The following KIF26B variants were observed in gnomAD, a reference collection of about 807,000 sequenced individuals.
KIF26B encodes kinesin-like protein KIF26B.
A neutral mutation model predicts 151.2 loss-of-function variants in KIF26B; 63 were observed. The ratio of observed to expected loss-of-function variants is 0.42; its 90% CI spans 0.34 to 0.51. KIF26B has a LOEUF of 0.51. KIF26B is among the 20% of genes least tolerant of loss of function. The probability of loss-of-function intolerance (pLI) is 0.07; values close to 1 mark genes in which losing one functional copy is unlikely to be tolerated. For synonymous variants in KIF26B, 1,357 were observed against 1,262.1 expected, an observed-to-expected ratio of 1.08 and a Z score of -1.59; for missense variants, 2,813 against 2,913.6, an observed-to-expected ratio of 0.97 and a Z score of 0.79.
At chr1:245,660,562 A>C (rs1178161896) in intron 10 of KIF26B, among the ~76,000 whole-genome samples, 6 of 151,758 alleles carry the variant, frequency 4.0e-5, no homozygotes, top group African/African-American at 7.3e-5. Context: ...GCTGGTCTTG[A>C]ATTCCTGAGC....
chr1:245,190,333 C>CT (rs1669077964), intron 2 of KIF26B, among the ~76,000 whole-genome samples: 1 of 152,154 alleles, frequency 6.6e-6, no homozygotes, highest in African/African-American at 2.4e-5. Flanking sequence ...CTTCTTCCTT[C>CT]TTTTTTGCCT....
chr1:245,219,513 G>A (rs901472242), intron 2 of KIF26B, among the ~76,000 whole-genome samples: 5 of 152,134 alleles, frequency 3.3e-5, no homozygotes, highest in Admixed American at 6.5e-5. Flanking sequence ...CAGGCAGATC[G>A]CTTGAGCCCA....
At chr1:245,586,718 C>T (rs1284656402) in intron 5 of KIF26B, among the ~76,000 whole-genome samples, 1 of 150,862 alleles carries the variant, frequency 6.6e-6, no homozygotes, top group Middle Eastern at 3.4e-3. Flanking sequence ...CCCGTCTCTA[C>T]TAAAAAAAAT....
chr1:245,642,081 A>G (rs770512884), intron 9 of KIF26B, among the ~76,000 whole-genome samples: 4 of 152,196 alleles, frequency 2.6e-5, no homozygotes, highest in East Asian at 1.9e-4. Context: ...TTCTGGCCCA[A>G]ACGGACCTGG....
Position 245,156,450 on chromosome 1 carries a change from C to G in KIF26B, c.232C>G (p.Pro78Ala). ...GTCTCCCGGCTCGGGCACCTCGTCC[C>G]CGAGCTCGTTCACCGGCTCCCCGGG... ...TPSPGSGTSSPSSFTGSPGPA... is the reference protein window; with the variant it reads ...TPSPGSGTSSASSFTGSPGPA... The change falls in exon 2 of 15, where the codon CCG (proline) becomes GCG (alanine). Residue 78 changes from proline to alanine, a missense_variant. Coordinates refer to ENST00000407071, the MANE Select transcript of KIF26B (RefSeq NM_018012.4). 1.3e-6 allele frequency: 2 copies of G among 1,527,308 alleles called. No individual in the cohort carries two copies. The highest frequency in any genetic ancestry group is 1.8e-6 in the Non-Finnish European group (2 of 1,140,982). 94.6% of individuals were successfully genotyped at this position (1,527,308 alleles called of 1,614,324 possible).
At position 245,155,384 on chromosome 1, in the gene KIF26B, G is replaced by C. The variant is rs1389259318; in HGVS notation, c.-41G>C. 2 of 1,540,946 alleles carry C rather than the reference G, an allele frequency of 1.3e-6. No individual in the cohort carries two copies. Among genetic ancestry groups the C allele is most frequent in the Middle Eastern group, 1.7e-4 (1 of 5,954 alleles). ...GGTTGGAGGACCTTCTGGATGTAGC[G>C]TCGGTGGAACCTTTAGATACTCTCC... On this transcript the variant is annotated 5_prime_UTR_variant, in exon 1 of 15. Transcript: ENST00000407071.
intron 2 of KIF26B, among the ~76,000 whole-genome samples, chr1:245,211,733 CCT>C (rs552962249): frequency 8.3e-4 from 127 of 152,288 alleles, no homozygotes; most frequent in African/African-American, 3.0e-3. Context: ...AAATTTAAAT[CCT>C]CTGTTTCTTC....
chr1:245,156,647 C>A lies in KIF26B; in HGVS notation c.429C>A (p.Ala143=), dbSNP rs1276875258. 4 of 1,516,860 alleles carry A rather than the reference C, an allele frequency of 2.6e-6. No individual in the cohort carries two copies. The highest frequency in any genetic ancestry group is 4.0e-5 in the Admixed American group (2 of 49,860). The allele number at this position is 1,516,860 out of a possible 1,614,324, so 94.0% of individuals were successfully genotyped here. The change falls in exon 2 of 15, where the codon GCC becomes GCA. Residue 143 remains alanine (A), a synonymous_variant. Coordinates refer to ENST00000407071, the MANE Select transcript of KIF26B (RefSeq NM_018012.4). Reference sequence around the variant, plus strand: ...GCCTGGTGGAGCTCAAGAGGCAGGCCCTGAGGTTGCTCCTCCCGGGGCCCT... The same window carrying A: ...GCCTGGTGGAGCTCAAGAGGCAGGCACTGAGGTTGCTCCTCCCGGGGCCCT... ...NARLVELKRQ[A]LRLLLPGPFP...
At chr1:245,600,027 T>C (rs563269605) in intron 5 of KIF26B, among the ~76,000 whole-genome samples, 111 of 151,490 alleles carry the variant, frequency 7.3e-4, no homozygotes, top group Middle Eastern at 3.2e-3. Context: ...CAAGGAGTTC[T>C]AAAACCTTAT....
At chr1:245,353,521 C>T (rs1263437134) in intron 2 of KIF26B, among the ~76,000 whole-genome samples, 1 of 152,124 alleles carries the variant, frequency 6.6e-6, no homozygotes, top group Non-Finnish European at 1.5e-5. Context: ...ATCCTCATTG[C>T]CCTGCAGCCA....
intron 3 of KIF26B, among the ~76,000 whole-genome samples, chr1:245,397,574 A>G (rs1322901997): frequency 6.6e-6 from 1 of 152,202 alleles, no homozygotes; most frequent in African/African-American, 2.4e-5. Flanking sequence ...CCCACTTTTT[A>G]AACTACAGAT....
At chr1:245,423,293 C>T (rs1220076515) in intron 4 of KIF26B, among the ~76,000 whole-genome samples, 1 of 152,104 alleles carries the variant, frequency 6.6e-6, no homozygotes, top group Admixed American at 6.5e-5. Flanking sequence ...CACAGTAACC[C>T]TGTGAGGCAG....
intron 4 of KIF26B, among the ~76,000 whole-genome samples, chr1:245,539,152 A>G (rs895223342): frequency 6.6e-6 from 1 of 152,078 alleles, no homozygotes; most frequent in Admixed American, 6.6e-5. Flanking sequence ...TTCCCCCTGT[A>G]TTTCACTCTT....
intron 4 of KIF26B, among the ~76,000 whole-genome samples, chr1:245,501,542 G>C (rs112885687): frequency 6.6e-6 from 1 of 152,192 alleles, no homozygotes; most frequent in African/African-American, 2.4e-5. Flanking sequence ...ACAAAGAGAT[G>C]ATAATCCTGC....
rs1313966584 is a variant in KIF26B at position 245,170,458 on chromosome 1, T to C, written c.465+13775T>C. Among the ~76,000 whole-genome samples, 1 of 152,124 alleles carries C rather than the reference T, an allele frequency of 6.6e-6. No homozygotes were observed. Among genetic ancestry groups the C allele is most frequent in the Admixed American group, 6.6e-5 (1 of 15,260 alleles). On this transcript the variant is annotated intron_variant, in intron 2 of 14. Coordinates refer to ENST00000407071, the MANE Select transcript of KIF26B (RefSeq NM_018012.4). The surrounding 1 kb of genome is among the most constrained non-coding windows in gnomAD (Gnocchi z 4.4). ...CCAGGTGTTCCAGGGACGAAACTTA[T>C]CAGAACCAAACATAGAGGGCAAATG...
intron 4 of KIF26B, among the ~76,000 whole-genome samples, chr1:245,456,839 T>C (rs1489689324): frequency 6.6e-6 from 1 of 152,230 alleles, no homozygotes; most frequent in Non-Finnish European, 1.5e-5. Flanking sequence ...TAAATGCTTT[T>C]TCATTTTTTA....
chr1:245,487,119 C>T (rs116491933), intron 4 of KIF26B, among the ~76,000 whole-genome samples: 397 of 152,136 alleles, frequency 2.6e-3, no homozygotes, highest in South Asian at 7.9e-3. Flanking sequence ...GGTTAGAGTC[C>T]CTTGAAGTGT....
At chr1:245,561,439 C>T (rs1053907496) in intron 5 of KIF26B, among the ~76,000 whole-genome samples, 1 of 152,172 alleles carries the variant, frequency 6.6e-6, no homozygotes, top group Non-Finnish European at 1.5e-5. Flanking sequence ...CAGGTTGGGT[C>T]ACTCTTTGTG....
intron 2 of KIF26B, among the ~76,000 whole-genome samples, chr1:245,256,556 C>A (rs538067712): frequency 6.6e-6 from 1 of 152,114 alleles, no homozygotes; most frequent in Non-Finnish European, 1.5e-5. Flanking sequence ...TTTTGTAAGA[C>A]CCAGGTGGGT....
Sources: gnomAD v4.1 joint callset for allele counts (sites outside exome capture counted in the v4.1 genomes callset) on GRCh38, gnomAD v4.1.1 for gene constraint, Gnocchi (gnomAD v3.1) non-coding constraint, MANE v1.5 for transcripts, NCBI Gene and HGNC (gene_info 2026-07-23, HGNC 2026-07-21) for gene names.